ARL4C: variants seen among roughly 807,000 people sequenced by gnomAD.
The protein encoded by ARL4C is ARF like GTPase 4C, also known as ADP-ribosylation factor-like protein 4C.
Under a neutral mutation model 12.8 loss-of-function variants are expected in ARL4C, and 5 were observed. The observed-to-expected ratio is 0.39, with a 90% CI of 0.20 to 0.82. ARL4C has a LOEUF of 0.82. Among genes scored for constraint, ARL4C ranks in the 40% least tolerant of loss-of-function variants. ARL4C has a pLI of 0.39. For synonymous variants in ARL4C, 119 were observed against 119.4 expected, an observed-to-expected ratio of 1.00 and a Z score of 0.02; for missense variants, 148 against 265.2, an observed-to-expected ratio of 0.56 and a Z score of 3.07.
rs746215996 is a variant in ARL4C, at chr2:234,495,317, TC to T, written c.*488del. ...CAGGAAAAGGGCACCTCCGCGGCCA[TC>T]CCCAGCCAGGCCAGCACAGCGCTCC... On this transcript the variant is annotated 3_prime_UTR_variant, in exon 2 of 2. Coordinates refer to ENST00000339728, the MANE Select transcript of ARL4C (RefSeq NM_001282431.2). 101 of 173,554 alleles carry T rather than the reference TC, an allele frequency of 5.8e-4. No individual in the cohort carries two copies. Among genetic ancestry groups the T allele is most frequent in the Non-Finnish European group, 1.1e-3 (90 of 80,324 alleles). 10.8% of individuals were successfully genotyped at this position (173,554 alleles called of 1,614,324 possible). A position where few individuals can be genotyped will look rare whatever the true frequency, so the allele number is the denominator to read the frequency against.
chr2:234,495,892 C>T (rs988052602), intron 1 of ARL4C, 56 bp from the exon 2 acceptor site: 37 of 1,603,062 alleles, frequency 2.3e-5, no homozygotes, highest in African/African-American at 4.0e-5. Flanking sequence ...CTTTGGTTCG[C>T]TCTTTGTTCG....
Position 234,496,513 on chromosome 2 carries a change from C to T in ARL4C, c.74G>A (p.Gly25Asp). 6.2e-7 allele frequency: 1 copy of T among 1,612,684 alleles called. No individual in the cohort carries two copies. Among genetic ancestry groups the T allele is most frequent in the Non-Finnish European group, 8.5e-7 (1 of 1,179,410 alleles). Reference sequence around the variant, plus strand: ...GAGCCGGTAGAGCACCGTGGTCTTGCCGGCCGAGTCCAAGCCCAACATGAC... The same window carrying T: ...GAGCCGGTAGAGCACCGTGGTCTTGTCGGCCGAGTCCAAGCCCAACATGAC... Reference protein sequence around the residue: ...HIVMLGLDSAGKTTVLYRLKF... With the variant: ...HIVMLGLDSADKTTVLYRLKF... Residue 25 changes from glycine to aspartate, a missense_variant, in exon 1 of 2, where the codon GGC (glycine) becomes GAC (aspartate). Coordinates refer to ENST00000339728, the MANE Select transcript of ARL4C (RefSeq NM_001282431.2).
chr2:234,494,779 T>C lies in ARL4C; in HGVS notation c.*1027A>G, dbSNP rs1461916236. On this transcript the variant is annotated 3_prime_UTR_variant, in exon 2 of 2. Coordinates refer to ENST00000339728, the MANE Select transcript of ARL4C (RefSeq NM_001282431.2). ...TTTCCTAAGGTGAATATTTCTAAGG[T>C]AAGTATTCATTTGTAAAAGTTTTTT... The C allele has an allele frequency of 6.6e-6, 1 of 152,008 alleles. No homozygotes were observed. Among genetic ancestry groups the C allele is most frequent in the Non-Finnish European group, 1.5e-5 (1 of 68,000 alleles). The allele number at this position is 152,008 out of a possible 1,614,324, so 9.4% of individuals were successfully genotyped here.
In ARL4C at chr2:234,495,780, G is replaced by A. The variant is rs2106235357; in HGVS notation, c.*26C>T. 6.3e-7 allele frequency: 1 copy of A among 1,598,314 alleles called. No individual in the cohort carries two copies. On this transcript the variant is annotated 3_prime_UTR_variant, in exon 2 of 2. Coordinates refer to ENST00000339728, the MANE Select transcript of ARL4C (RefSeq NM_001282431.2). ...AAAGGTCCCCTGAGCTGGGGGTGGG[G>A]GGCAGGTCGAGAGTAGGCCGGTAAA...
rs772493552 is a variant in ARL4C at position 234,496,152 on chromosome 2, C to T, written c.435G>A (p.Ala145=). 4 of 1,613,218 alleles carry T rather than the reference C, an allele frequency of 2.5e-6. No homozygotes were observed. The African/African-American group carries it at 4.0e-5, about 16-fold the overall frequency. The change falls in exon 1 of 2, where the codon GCG becomes GCA. Residue 145 remains alanine (A), a synonymous_variant. Coordinates refer to ENST00000339728, the MANE Select transcript of ARL4C (RefSeq NM_001282431.2). The part of the protein sequence containing the change: ...LPVAEIEKQL[A]LHELIPATTY... ...TGGTGGCCGGGATAAGCTCGTGCAG[C>T]GCCAGCTGCTTCTCAATCTCTGCCA... is the stretch of plus-strand genomic sequence containing the variant.
chr2:234,493,702 G>A lies in ARL4C; in HGVS notation c.*2104C>T, dbSNP rs751296587. 7.2e-5 allele frequency: 11 copies of A among 152,548 alleles called. No individual in the cohort carries two copies. The highest frequency in any genetic ancestry group is 1.3e-4 in the Non-Finnish European group (9 of 68,030). The allele number at this position is 152,548 out of a possible 1,614,324, so 9.4% of individuals were successfully genotyped here. ...AATATATTATTCTCTCAATAGTGTG[G>A]AACTACCAAAATGTCAAAGTGCTTA... On this transcript the variant is annotated 3_prime_UTR_variant, in exon 2 of 2. Transcript: ENST00000339728.
chr2:234,495,760 T>C lies in ARL4C; in HGVS notation c.*46A>G. 6.3e-7 allele frequency: 1 copy of C among 1,596,908 alleles called. No homozygotes were observed. The highest frequency in any genetic ancestry group is 8.5e-7 in the Non-Finnish European group (1 of 1,178,480). ...GTAGCTCTGGCGTTCAGACAAAAGG[T>C]CCCCTGAGCTGGGGGTGGGGGGCAG... On this transcript the variant is annotated 3_prime_UTR_variant, in exon 2 of 2. Transcript: ENST00000339728.
chr2:234,495,982 C>G (rs779420707), intron 1 of ARL4C, 30 bp downstream of exon 1: 1 of 1,608,924 alleles, frequency 6.2e-7, no homozygotes, highest in South Asian at 1.1e-5. Flanking sequence ...GACGCACTCG[C>G]TCGCTCCCCG....
At position 234,496,640 on chromosome 2, in the gene ARL4C, C is replaced by T. The variant is rs1304238912; in HGVS notation, c.-54G>A. The T allele has an allele frequency of 2.2e-6, 3 of 1,346,610 alleles. No individual in the cohort carries two copies. Among genetic ancestry groups the T allele is most frequent in the African/African-American group, 1.5e-5 (1 of 65,932 alleles). 83.4% of individuals were successfully genotyped at this position (1,346,610 alleles called of 1,614,324 possible). A position where few individuals can be genotyped will look rare whatever the true frequency, so the allele number is the denominator to read the frequency against. ...GGCTGCGGCGGGAGGGCGCCGCCCC[C>T]CGAGCAGTCACGGGCCCGACGCGGC... On this transcript the variant is annotated 5_prime_UTR_variant, in exon 1 of 2. Transcript: ENST00000339728.
Position 234,496,356 on chromosome 2 carries a change from C to T in ARL4C, c.231G>A (p.Pro77=). 1 of 1,613,042 alleles carries T rather than the reference C, an allele frequency of 6.2e-7. No homozygotes were observed. The highest frequency in any genetic ancestry group is 2.2e-5 in the East Asian group (1 of 44,806). ...WDVGGQEKLR[P]LWKSYSRCTD... The stretch of plus-strand genomic sequence containing the variant: ...TGCAGCGGCTGTAGGACTTCCACAG[C>T]GGCCGCAGCTTCTCCTGGCCGCCCA... Residue 77 remains proline, a synonymous_variant, in exon 1 of 2, where the codon CCG becomes CCA. Transcript: ENST00000339728.
chr2:234,495,783 C>A lies in ARL4C; in HGVS notation c.*23G>T, dbSNP rs369942755. The A allele has an allele frequency of 6.3e-7, 1 of 1,598,424 alleles. No homozygotes were observed. Among genetic ancestry groups the A allele is most frequent in the Non-Finnish European group, 8.5e-7 (1 of 1,179,792 alleles). On this transcript the variant is annotated 3_prime_UTR_variant, in exon 2 of 2. Coordinates refer to ENST00000339728, the MANE Select transcript of ARL4C (RefSeq NM_001282431.2). The stretch of plus-strand genomic sequence containing the variant: ...GGTCCCCTGAGCTGGGGGTGGGGGG[C>A]AGGTCGAGAGTAGGCCGGTAAATCA...
Position 234,496,578 on chromosome 2 carries a change from G to A in ARL4C, c.9C>T (p.Asn3=). 1.3e-6 allele frequency: 2 copies of A among 1,557,038 alleles called. No individual in the cohort carries two copies. Among genetic ancestry groups the A allele is most frequent in the Admixed American group, 1.9e-5 (1 of 51,484 alleles). Residue 3 remains asparagine, a synonymous_variant, in exon 1 of 2, where the codon AAC becomes AAT. Transcript: ENST00000339728. MG[N]ISSNISAFQS... ...GGAAGGCCGAGATGTTAGAGGAGAT[G>A]TTGCCCATGGCTCCTGGCTGCGGCG...
chr2:234,494,135 T>A lies in ARL4C; in HGVS notation c.*1671A>T, dbSNP rs201518427. 40,677 of 152,236 alleles carry A rather than the reference T, an allele frequency of 0.27. 5,796 individuals carry two copies. The highest frequency in any genetic ancestry group is 0.39 in the East Asian group (2,007 of 5,154). The allele number at this position is 152,236 out of a possible 1,614,324, so 9.4% of individuals were successfully genotyped here. On this transcript the variant is annotated 3_prime_UTR_variant, in exon 2 of 2. Coordinates refer to ENST00000339728, the MANE Select transcript of ARL4C (RefSeq NM_001282431.2). ...ATGCTCAAGCATGATCGTGTCCAAT[T>A]TCTACAGGCCTCCTTTGTAAAGAAA...
At position 234,496,593 on chromosome 2, in the gene ARL4C, TGGCTGCGGCGCCAGCCACTGC is replaced by T. The variant is rs760029367; in HGVS notation, c.-28_-8del. ...TAGAGGAGATGTTGCCCATGGCTCC[TGGCTGCGGCGCCAGCCACTGC>T]GGCTGCGGCGGGAGGGCGCCGCCCC... On this transcript the variant is annotated 5_prime_UTR_variant, in exon 1 of 2. Coordinates refer to ENST00000339728, the MANE Select transcript of ARL4C (RefSeq NM_001282431.2). 212 of 1,506,708 alleles carry T rather than the reference TGGCTGCGGCGCCAGCCACTGC, an allele frequency of 1.4e-4. No individual in the cohort carries two copies. The highest frequency in any genetic ancestry group is 2.0e-4 in the Admixed American group (9 of 45,324). 93.3% of individuals were successfully genotyped at this position (1,506,708 alleles called of 1,614,324 possible).
rs1030405463 is a variant in ARL4C, at chr2:234,494,749, T to A, written c.*1057A>T. ...AGGAATATAAAAGGGCAGAGCAAAG[T>A]CTTTTTTCCTAAGGTGAATATTTCT... On this transcript the variant is annotated 3_prime_UTR_variant, in exon 2 of 2. Transcript: ENST00000339728. The A allele has an allele frequency of 6.6e-6, 1 of 152,124 alleles. No individual in the cohort carries two copies. The highest frequency in any genetic ancestry group is 2.4e-5 in the African/African-American group (1 of 41,418). The allele number at this position is 152,124 out of a possible 1,614,324, so 9.4% of individuals were successfully genotyped here. A position where few individuals can be genotyped will look rare whatever the true frequency, so the allele number is the denominator to read the frequency against.
Position 234,494,289 on chromosome 2 carries a change from G to C in ARL4C, c.*1517C>G, listed in dbSNP as rs558425231. ...TGTTTCAGGGTAAGTGACAGCTTCT[G>C]CAAACCAAGACTCAGTCCTGATTAT... On this transcript the variant is annotated 3_prime_UTR_variant, in exon 2 of 2. Transcript: ENST00000339728. 2.0e-4 allele frequency: 31 copies of C among 152,758 alleles called. 1 individual carries two copies. In the South Asian group the frequency reaches 2.5e-3, roughly 12 times the overall value. The allele number at this position is 152,758 out of a possible 1,614,324, so 9.5% of individuals were successfully genotyped here.
At position 234,496,622 on chromosome 2, in the gene ARL4C, G is replaced by A; in HGVS notation, c.-36C>T. The A allele has an allele frequency of 7.0e-7, 1 of 1,418,972 alleles. No homozygotes were observed. The highest frequency in any genetic ancestry group is 9.2e-7 in the Non-Finnish European group (1 of 1,084,034). 87.9% of individuals were successfully genotyped at this position (1,418,972 alleles called of 1,614,324 possible). Reference sequence around the variant, plus strand: ...TGCGGCGCCAGCCACTGCGGCTGCGGCGGGAGGGCGCCGCCCCCCGAGCAG... The same window carrying A: ...TGCGGCGCCAGCCACTGCGGCTGCGACGGGAGGGCGCCGCCCCCCGAGCAG... On this transcript the variant is annotated 5_prime_UTR_variant, in exon 1 of 2. Transcript: ENST00000339728.
Position 234,494,859 on chromosome 2 carries a change from C to T in ARL4C, c.*947G>A, listed in dbSNP as rs1691755456. 6.7e-6 allele frequency: 1 copy of T among 150,340 alleles called. No homozygotes were observed. Among genetic ancestry groups the T allele is most frequent in the East Asian group, 1.9e-4 (1 of 5,156 alleles). 9.3% of individuals were successfully genotyped at this position (150,340 alleles called of 1,614,324 possible). A position where few individuals can be genotyped will look rare whatever the true frequency, so the allele number is the denominator to read the frequency against. On this transcript the variant is annotated 3_prime_UTR_variant, in exon 2 of 2. Transcript: ENST00000339728. ...ACGCGGTTAGTATTACAAGAGACATCCCTTGGTTAAAAAAAAAAATACCAT... is the reference window on the plus strand; with the variant it reads ...ACGCGGTTAGTATTACAAGAGACATTCCTTGGTTAAAAAAAAAAATACCAT...
rs974169136 is a variant in ARL4C at position 234,496,926 on chromosome 2, C to T, written c.-340G>A. On this transcript the variant is annotated 5_prime_UTR_variant, in exon 1 of 2. Coordinates refer to ENST00000339728, the MANE Select transcript of ARL4C (RefSeq NM_001282431.2). ...CCGCGCTCCGGCAGCTGCCCGGGCT[C>T]TCCGCTCTCCCGGCGCCCGGCGCTC... 6.7e-6 allele frequency: 1 copy of T among 149,258 alleles called. No individual in the cohort carries two copies. Among genetic ancestry groups the T allele is most frequent in the African/African-American group, 2.4e-5 (1 of 41,182 alleles). 9.2% of individuals were successfully genotyped at this position (149,258 alleles called of 1,614,324 possible).
Sources: allele counts gnomAD v4.1 joint callset, GRCh38; gene constraint gnomAD v4.1.1; transcripts MANE v1.5; gene names NCBI Gene and HGNC (gene_info 2026-07-23, HGNC 2026-07-21).